PHF24: variants seen among roughly 807,000 people sequenced by gnomAD.
PHF24 encodes PHD finger protein 24.
A neutral mutation model predicts 42.6 loss-of-function variants in PHF24; 25 were observed. That is an observed-to-expected ratio of 0.59 (90% CI 0.43 to 0.82). The LOEUF is 0.82. PHF24 is among the 40% of genes least tolerant of loss of function. The pLI is 0.00. For synonymous variants in PHF24, 185 were observed against 204.8 expected (o/e 0.90, Z 0.83); for missense variants, 470 against 538.1 (o/e 0.87, Z 1.25).
At chr9:34,981,164 C>T (rs1263841640) in exon 8 of PHF24, 1 of 152,266 alleles carries the variant, frequency 6.6e-6, no homozygotes, top group Non-Finnish European at 1.5e-5. Context: ...CAGTAGAAAC[C>T]ATGAGGACAT....
chr9:34,881,860 G>A, the PHF24 span, among the ~76,000 whole-genome samples: 2 of 152,106 alleles, frequency 1.3e-5, no homozygotes, highest in African/African-American at 2.4e-5. Flanking sequence ...TAATTCATTT[G>A]ATGAGGCCAG....
chr9:34,856,489 GCTTT>G, the PHF24 span, among the ~76,000 whole-genome samples: 3 of 152,174 alleles, frequency 2.0e-5, no homozygotes, highest in African/African-American at 7.2e-5. Flanking sequence ...TGTTGTTGTT[GCTTT>G]CTGTTTGTTT....
chr9:34,846,235 A>G, the PHF24 span, among the ~76,000 whole-genome samples: 1 of 152,144 alleles, frequency 6.6e-6, no homozygotes, highest in African/African-American at 2.4e-5. Context: ...AAGTGTTCCT[A>G]TTTCTCCACA....
At chr9:34,956,091 T>C (rs1369071079), upstream of PHF24, among the ~76,000 whole-genome samples, 2 of 152,240 alleles carry the variant, frequency 1.3e-5, no homozygotes, top group Admixed American at 1.3e-4. Context: ...TTGTATTTCA[T>C]TCCTCTATTG....
At chr9:34,886,766 G>C in the PHF24 span, among the ~76,000 whole-genome samples, 3 of 150,766 alleles carry the variant, frequency 2.0e-5, no homozygotes, top group African/African-American at 7.4e-5. Flanking sequence ...CTGTCTGTCT[G>C]TCTGTCTGTC....
chr9:34,737,512 A>G, the PHF24 span, among the ~76,000 whole-genome samples: 1 of 152,166 alleles, frequency 6.6e-6, no homozygotes, highest in African/African-American at 2.4e-5. Flanking sequence ...ACATTTGTAT[A>G]CAAGGTTTTG....
chr9:34,857,979 T>C, the PHF24 span, among the ~76,000 whole-genome samples: 1 of 151,382 alleles, frequency 6.6e-6, no homozygotes, highest in Non-Finnish European at 1.5e-5. Context: ...CTGGTTTTTT[T>C]TTTTTTTTTT....
chr9:34,764,441 C>T, the PHF24 span, among the ~76,000 whole-genome samples: 4 of 152,272 alleles, frequency 2.6e-5, no homozygotes, highest in African/African-American at 9.6e-5. Context: ...GTGTATGTGT[C>T]AAGGAATTTA....
the PHF24 span, among the ~76,000 whole-genome samples, chr9:34,851,806 A>C: frequency 6.6e-6 from 1 of 152,160 alleles, no homozygotes; most frequent in African/African-American, 2.4e-5. Flanking sequence ...AAAACTCATC[A>C]TGTTTACTTT....
At chr9:34,808,610 G>C in the PHF24 span, among the ~76,000 whole-genome samples, 2 of 152,120 alleles carry the variant, frequency 1.3e-5, no homozygotes, top group African/African-American at 4.8e-5. Flanking sequence ...GGCACCAACA[G>C]TTTGGTGTCT....
At chr9:34,899,007 A>G in the PHF24 span, among the ~76,000 whole-genome samples, 1 of 152,194 alleles carries the variant, frequency 6.6e-6, no homozygotes. Context: ...TTAGGCCTTT[A>G]GCATAGGTTT....
At chr9:34,949,216 T>C in the PHF24 span, among the ~76,000 whole-genome samples, 5 of 152,224 alleles carry the variant, frequency 3.3e-5, no homozygotes, top group Non-Finnish European at 7.3e-5. Context: ...AAAATTATTT[T>C]CAAGTGCACG....
chr9:34,666,444 A>G, the PHF24 span, among the ~76,000 whole-genome samples: 1 of 152,112 alleles, frequency 6.6e-6, no homozygotes, highest in Non-Finnish European at 1.5e-5. Context: ...AGTCCAGTCT[A>G]GAAAAGGCCA....
At chr9:34,810,729 C>T in the PHF24 span, among the ~76,000 whole-genome samples, 1 of 152,190 alleles carries the variant, frequency 6.6e-6, no homozygotes, top group African/African-American at 2.4e-5. Flanking sequence ...CTTCTGACCA[C>T]CGTGGCCCAG....
At chr9:34,922,245 G>A in the PHF24 span, 5 of 1,592,318 alleles carry the variant, frequency 3.1e-6, no homozygotes, top group Non-Finnish European at 4.3e-6. Context: ...TGTCCACAAT[G>A]TCAAGTTGTC....
intron 1 of PHF24, among the ~76,000 whole-genome samples, chr9:34,970,462 GA>G (rs1826934557): frequency 2.6e-5 from 4 of 152,186 alleles, no homozygotes; most frequent in Admixed American, 6.5e-5. Context: ...CTACTAATGA[GA>G]GGGGGCAAAG....
At chr9:34,669,350 G>A in the PHF24 span, among the ~76,000 whole-genome samples, 7 of 151,758 alleles carry the variant, frequency 4.6e-5, no homozygotes, top group African/African-American at 7.3e-5. Flanking sequence ...ATGCCCCTCC[G>A]TACCGTTTAA....
the PHF24 span, among the ~76,000 whole-genome samples, chr9:34,861,995 G>T: frequency 6.6e-6 from 1 of 152,170 alleles, no homozygotes; most frequent in Non-Finnish European, 1.5e-5. Flanking sequence ...CAAGATCTGG[G>T]TGCCAGCATG....
chr9:34,721,835 T>C, the PHF24 span, among the ~76,000 whole-genome samples: 1 of 152,240 alleles, frequency 6.6e-6, no homozygotes, highest in Non-Finnish European at 1.5e-5. Flanking sequence ...CTTAATTGGC[T>C]GACTGGCAAC....
Sources: allele counts gnomAD v4.1 joint callset (sites outside exome capture counted in the v4.1 genomes callset), GRCh38; gene constraint gnomAD v4.1.1; transcripts MANE v1.5; gene names NCBI Gene and HGNC (gene_info 2026-07-23, HGNC 2026-07-21).